Variants in MTFR1 observed in about 807,000 individuals in gnomAD.
MTFR1 encodes mitochondrial fission regulator 1.
In MTFR1, 28 loss-of-function variants were observed where a neutral mutation model predicts 38.8. The observed-to-expected ratio is 0.72, with a 90% CI of 0.53 to 0.99. MTFR1 has a LOEUF of 0.99. MTFR1 is among the 50% of genes least tolerant of loss of function. The pLI is 0.00. For missense variants in MTFR1, 358 were observed against 395.5 expected, an observed-to-expected ratio of 0.91 and a Z score of 0.81; for synonymous variants, 145 against 137.0, an observed-to-expected ratio of 1.06 and a Z score of -0.41.
At chr8:65,663,393 T>A (rs192498257) in intron 1 of MTFR1, among the ~76,000 whole-genome samples, 1 of 151,574 alleles carries the variant, frequency 6.6e-6, no homozygotes, top group Admixed American at 6.6e-5. Context: ...ACAAACACTG[T>A]GGAAGGCCGC....
chr8:65,723,640 G>T, intron 3 of MTFR1: 1 of 1,487,038 alleles, frequency 6.7e-7, no homozygotes, highest in Non-Finnish European at 9.1e-7. Flanking sequence ...TAAAAAAAGA[G>T]AAGTATTAAT....
At chr8:65,727,546 T>TA (rs1350856017) in intron 3 of MTFR1, 15 of 356,024 alleles carry the variant, frequency 4.2e-5, no homozygotes, top group African/African-American at 2.9e-4. Flanking sequence ...AGTTCATCCT[T>TA]AGGCCATTTC....
chr8:65,723,317 A>C (rs1232600312), intron 3 of MTFR1: 1 of 305,034 alleles, frequency 3.3e-6, no homozygotes, highest in East Asian at 6.4e-5. Context: ...AACAGAAACA[A>C]GTTATTGCTG....
At chr8:65,658,787 T>G (rs1809334538) in intron 1 of MTFR1, among the ~76,000 whole-genome samples, 1 of 152,190 alleles carries the variant, frequency 6.6e-6, no homozygotes, top group South Asian at 2.1e-4. Context: ...AATATCCATG[T>G]AATGACCACC....
chr8:65,734,675 T>C (rs1254663780), intron 3 of MTFR1: 7 of 649,472 alleles, frequency 1.1e-5, no homozygotes, highest in African/African-American at 1.8e-5. Context: ...CTAGATCTCA[T>C]TCTTGTGAAG....
downstream of MTFR1, among the ~76,000 whole-genome samples, chr8:65,710,972 G>A (rs1170245229): frequency 6.9e-6 from 1 of 143,900 alleles, no homozygotes; most frequent in African/African-American, 2.8e-5. Flanking sequence ...CTGATTGAGG[G>A]ACTCTCATAT....
At chr8:65,769,247 CAAAA>C (rs61554087) in intron 3 of MTFR1, among the ~76,000 whole-genome samples, 10 of 74,456 alleles carry the variant, frequency 1.3e-4, no homozygotes, top group Admixed American at 1.2e-3. Flanking sequence ...GACTCAGTCT[CAAAA>C]AAAAAAAAAA....
chr8:65,675,089 G>A (rs1403376701), intron 2 of MTFR1, among the ~76,000 whole-genome samples: 5 of 152,080 alleles, frequency 3.3e-5, no homozygotes, highest in African/African-American at 7.2e-5. Flanking sequence ...TTAGCAGTTC[G>A]AGACCAGCCT....
chr8:65,673,668 C>G (rs1804629442), intron 2 of MTFR1, among the ~76,000 whole-genome samples: 1 of 151,802 alleles, frequency 6.6e-6, no homozygotes. Flanking sequence ...CTTTGGGAGG[C>G]CGAGGCGGGT....
chr8:65,650,854 TTC>T (rs1809102949), intron 1 of MTFR1, among the ~76,000 whole-genome samples: 1 of 152,202 alleles, frequency 6.6e-6, no homozygotes, highest in Non-Finnish European at 1.5e-5. Context: ...GTAGCTCTAT[TTC>T]TAGTTTTTTG....
intron 3 of MTFR1, among the ~76,000 whole-genome samples, chr8:65,769,169 AC>A (rs1010513376): frequency 3.3e-5 from 5 of 150,688 alleles, no homozygotes; most frequent in African/African-American, 1.2e-4. Flanking sequence ...AATTGCTTGA[AC>A]CAGGGAGTTG....
At chr8:65,729,273 T>C (rs1328499824) in intron 3 of MTFR1, among the ~76,000 whole-genome samples, 1 of 152,028 alleles carries the variant, frequency 6.6e-6, no homozygotes, top group African/African-American at 2.4e-5. Context: ...AGTTTTGCTG[T>C]GTTCAGTGAA....
chr8:65,649,606 G>C lies in MTFR1; in HGVS notation c.-81+4822G>C, dbSNP rs189490229. 1.6e-4 allele frequency among the ~76,000 whole-genome samples: 24 copies of C among 152,034 alleles called. No individual in the cohort carries two copies. The East Asian group carries it at 4.1e-3, about 26-fold the overall frequency. ...TCACATCAGGGTAAATGGTAAATGG[G>C]GTATCCACCTCAAGTATTTATCCTT... On this transcript the variant is annotated intron_variant, in intron 1 of 7. Coordinates refer to ENST00000262146, the MANE Select transcript of MTFR1 (RefSeq NM_014637.4).
intron 2 of MTFR1, chr8:65,718,008 C>T (rs1048750500): frequency 2.6e-5 from 4 of 152,158 alleles, no homozygotes; most frequent in African/African-American, 7.2e-5. Context: ...CATCTGTTCA[C>T]ATCAAAAGGC....
At chr8:65,704,647 G>C (rs369653914) in intron 4 of MTFR1, 47 bp from the exon 5 acceptor site, 3 of 1,508,806 alleles carry the variant, frequency 2.0e-6, no homozygotes, top group Non-Finnish European at 2.8e-6. Flanking sequence ...GGTGTTTCAC[G>C]TTCTCTTACA....
intron 3 of MTFR1, among the ~76,000 whole-genome samples, chr8:65,730,239 G>A (rs1806817808): frequency 7.7e-6 from 1 of 129,770 alleles, no homozygotes; most frequent in African/African-American, 2.9e-5. Context: ...GCAGAGTAAT[G>A]GCGCAATCAC....
downstream of MTFR1, among the ~76,000 whole-genome samples, chr8:65,711,079 C>T (rs1162587313): frequency 2.0e-5 from 3 of 152,042 alleles, no homozygotes; most frequent in East Asian, 5.8e-4. Flanking sequence ...ACATGATCCC[C>T]TGTTAAATAA....
chr8:65,646,772 C>G (rs1343789229), intron 1 of MTFR1, among the ~76,000 whole-genome samples: 1 of 152,146 alleles, frequency 6.6e-6, no homozygotes, highest in African/African-American at 2.4e-5. Flanking sequence ...AATGAATAGC[C>G]TCTACCACTC....
intron 2 of MTFR1, among the ~76,000 whole-genome samples, chr8:65,716,653 A>G (rs987634736): frequency 6.6e-6 from 1 of 152,192 alleles, no homozygotes; most frequent in Non-Finnish European, 1.5e-5. Context: ...GGAGAGAATA[A>G]TTGATAGTTA....
Sources: allele counts gnomAD v4.1 joint callset (sites outside exome capture counted in the v4.1 genomes callset), GRCh38; gene constraint gnomAD v4.1.1; transcripts MANE v1.5; gene names NCBI Gene and HGNC (gene_info 2026-07-23, HGNC 2026-07-21).